Variants in CNTN4 observed in about 807,000 individuals in gnomAD.
CNTN4 encodes contactin 4, also known as contactin-4.
Under a neutral mutation model 122.5 loss-of-function variants are expected in CNTN4, and 77 were observed. The ratio of observed to expected loss-of-function variants is 0.63; its 90% CI spans 0.52 to 0.76. The LOEUF is 0.76. Among genes scored for constraint, CNTN4 ranks in the 30% least tolerant of loss-of-function variants. The pLI is 0.00. For missense variants in CNTN4, 1,256 were observed against 1,259.1 expected (o/e 1.00, Z 0.04); for synonymous variants, 512 against 447.0 (o/e 1.15, Z -1.83).
intron 2 of CNTN4, among the ~76,000 whole-genome samples, chr3:2,137,912 TG>T (rs929891640): frequency 2.6e-5 from 4 of 152,150 alleles, no homozygotes; most frequent in African/African-American, 4.8e-5. Context: ...TCTGCTTCCT[TG>T]GATCCGAATT....
At chr3:2,329,996 A>G (rs1559458716) in intron 2 of CNTN4, among the ~76,000 whole-genome samples, 1 of 152,186 alleles carries the variant, frequency 6.6e-6, no homozygotes, top group East Asian at 1.9e-4. Flanking sequence ...GTCAGAACCC[A>G]CATGTTAAGA....
intron 2 of CNTN4, among the ~76,000 whole-genome samples, chr3:2,178,905 AC>A (rs539735809): frequency 3.0e-3 from 457 of 152,144 alleles, no homozygotes; most frequent in African/African-American, 0.011. Flanking sequence ...ATGAAATACG[AC>A]CAAAAAATCT....
chr3:2,461,777 T>G (rs2049220788), intron 3 of CNTN4, among the ~76,000 whole-genome samples: 1 of 152,266 alleles, frequency 6.6e-6, no homozygotes, highest in South Asian at 2.1e-4. Context: ...TTATATTGGC[T>G]CATTTACTTA....
At chr3:2,416,830 A>AT (rs1193871796) in intron 3 of CNTN4, among the ~76,000 whole-genome samples, 1 of 151,666 alleles carries the variant, frequency 6.6e-6, no homozygotes, top group Admixed American at 6.6e-5. Flanking sequence ...ATTTTTTTGT[A>AT]TTTTTAGTAG....
intron 14 of CNTN4, among the ~76,000 whole-genome samples, chr3:3,007,234 T>C (rs1696748015): frequency 1.3e-5 from 2 of 152,192 alleles, no homozygotes; most frequent in Admixed American, 6.5e-5. Flanking sequence ...GTGTACTAGG[T>C]ATTTGACAAA....
chr3:2,617,419 C>CTTT (rs71058631), intron 4 of CNTN4, among the ~76,000 whole-genome samples: 17,642 of 108,188 alleles, frequency 0.16, 2,297 homozygotes, highest in Admixed American at 0.27. Flanking sequence ...AGAGAAATGC[C>CTTT]TTTTTTTTTT....
intron 2 of CNTN4, among the ~76,000 whole-genome samples, chr3:2,334,606 A>T (rs1000945698): frequency 6.6e-6 from 1 of 152,162 alleles, no homozygotes; most frequent in African/African-American, 2.4e-5. Flanking sequence ...TGACTTTAGA[A>T]CCTATATTTT....
intron 2 of CNTN4, among the ~76,000 whole-genome samples, chr3:2,187,945 G>A (rs936199799): frequency 4.6e-5 from 7 of 152,206 alleles, no homozygotes; most frequent in African/African-American, 1.7e-4. Flanking sequence ...CATGAGAAGT[G>A]CATCCTACTT....
intron 3 of CNTN4, among the ~76,000 whole-genome samples, chr3:2,380,590 T>C (rs1413142948): frequency 1.3e-5 from 2 of 152,222 alleles, no homozygotes; most frequent in African/African-American, 4.8e-5. Context: ...CACTTTACAC[T>C]GAGTAGATCT....
intron 6 of CNTN4, among the ~76,000 whole-genome samples, chr3:2,811,556 G>C (rs1271549431): frequency 2.0e-5 from 3 of 151,560 alleles, no homozygotes; most frequent in Admixed American, 2.0e-4. Context: ...CACCTCCTGG[G>C]TTCACGCCAT....
chr3:2,147,928 CCT>C (rs1396581921), intron 2 of CNTN4, among the ~76,000 whole-genome samples: 3 of 152,182 alleles, frequency 2.0e-5, no homozygotes, highest in Non-Finnish European at 4.4e-5. Context: ...AAACTCCACT[CCT>C]GTTTTCAAAT....
At chr3:2,464,731 A>G (rs2075437039) in intron 3 of CNTN4, among the ~76,000 whole-genome samples, 1 of 152,220 alleles carries the variant, frequency 6.6e-6, no homozygotes, top group Non-Finnish European at 1.5e-5. Flanking sequence ...GCTGTAGAGG[A>G]AAGGCAAACT....
intron 2 of CNTN4, among the ~76,000 whole-genome samples, chr3:2,225,099 C>T (rs534314313): frequency 2.0e-5 from 3 of 150,140 alleles, no homozygotes; most frequent in African/African-American, 4.9e-5. Flanking sequence ...GCAAGTGAGC[C>T]GAGATCGCAC....
rs529042626 is a variant in CNTN4 at position 2,883,948 on chromosome 3, A to G, written c.755+701A>G. ...GCAATAAAGATTTGGCATAAACAGT[A>G]TAAACTATTATCTGAAGTGAGAATT... On this transcript the variant is annotated intron_variant, in intron 9 of 24. Coordinates refer to ENST00000418658, the MANE Select transcript of CNTN4 (RefSeq NM_175607.3). Among the ~76,000 whole-genome samples the G allele has an allele frequency of 2.6e-5, 4 of 152,348 alleles. No homozygotes were observed. The South Asian group carries it at 6.2e-4, about 24-fold the overall frequency.
intron 2 of CNTN4, among the ~76,000 whole-genome samples, chr3:2,145,575 C>G (rs923750979): frequency 6.6e-6 from 1 of 152,120 alleles, no homozygotes; most frequent in African/African-American, 2.4e-5. Context: ...TGGGAAAAAT[C>G]AGGAATAAGA....
chr3:2,313,364 A>G (rs894878777), intron 2 of CNTN4, among the ~76,000 whole-genome samples: 10 of 152,086 alleles, frequency 6.6e-5, no homozygotes, highest in Admixed American at 2.0e-4. Flanking sequence ...AACATTAATA[A>G]ACAAGATAAC....
chr3:3,037,066 C>A (rs1699676760), intron 17 of CNTN4, 113 bp from the exon 18 acceptor site: 2 of 1,221,752 alleles, frequency 1.6e-6, no homozygotes, highest in Admixed American at 1.7e-5. Flanking sequence ...ACCTACACTG[C>A]CCTGAATACA....
chr3:2,717,186 G>A (rs2087547333), intron 4 of CNTN4, among the ~76,000 whole-genome samples: 1 of 152,124 alleles, frequency 6.6e-6, no homozygotes, highest in Non-Finnish European at 1.5e-5. Flanking sequence ...TTAAAAGGTT[G>A]GCCCTTTATT....
chr3:2,264,525 C>T (rs1308137683), intron 2 of CNTN4, among the ~76,000 whole-genome samples: 2 of 152,026 alleles, frequency 1.3e-5, no homozygotes, highest in African/African-American at 2.4e-5. Context: ...AATCTCTTTT[C>T]ATATGGAAAG....
Sources: allele counts gnomAD v4.1 joint callset (sites outside exome capture counted in the v4.1 genomes callset), GRCh38; gene constraint gnomAD v4.1.1; transcripts MANE v1.5; gene names NCBI Gene and HGNC (gene_info 2026-07-23, HGNC 2026-07-21).